MPP7: variants seen among roughly 807,000 people sequenced by gnomAD.
MPP7 encodes MAGUK p55 subfamily member 7.
A neutral mutation model predicts 76.5 loss-of-function variants in MPP7; 60 were observed. That is an observed-to-expected ratio of 0.78 (90% confidence interval 0.64 to 0.97). The LOEUF is 0.97. Among genes scored for constraint, MPP7 ranks in the 50% least tolerant of loss-of-function variants. MPP7 has a pLI of 0.00. For missense variants in MPP7, 641 were observed against 694.0 expected (o/e 0.92, Z 0.86); for synonymous variants, 237 against 244.5 (o/e 0.97, Z 0.29).
intron 3 of MPP7, among the ~76,000 whole-genome samples, chr10:28,192,076 ACT>A (rs1837429836): frequency 6.6e-6 from 1 of 151,784 alleles, no homozygotes; most frequent in African/African-American, 2.4e-5. Flanking sequence ...ACAAAGTAAG[ACT>A]CTGCCTTTAA....
chr10:28,125,024 GCTC>G lies in MPP7; in HGVS notation c.512_514del (p.Gly171del). ...TAAAGTCTCACCACTTCTATCTGCAGCTCCTCCTCTCATGATTCTGGCCACAAT... is the reference window on the plus strand; with the variant it reads ...TAAAGTCTCACCACTTCTATCTGCAGCTCCTCTCATGATTCTGGCCACAAT... On this transcript the variant is annotated inframe_deletion, in exon 7 of 17. Coordinates refer to ENST00000683449, the MANE Select transcript of MPP7 (RefSeq NM_001318170.2). 2 of 1,613,872 alleles carry G rather than the reference GCTC, an allele frequency of 1.2e-6. No homozygotes were observed. The highest frequency in any genetic ancestry group is 2.2e-5 in the South Asian group (2 of 91,088).
intron 13 of MPP7, among the ~76,000 whole-genome samples, chr10:28,067,130 A>T (rs542223469): frequency 6.6e-6 from 1 of 152,340 alleles, no homozygotes; most frequent in South Asian, 2.1e-4. Flanking sequence ...TTAGTTTTCC[A>T]AAATGATTGT....
At chr10:28,269,514 T>C (rs1840253477) in intron 1 of MPP7, among the ~76,000 whole-genome samples, 1 of 150,098 alleles carries the variant, frequency 6.7e-6, no homozygotes, top group Non-Finnish European at 1.5e-5. Context: ...AGTTTGAATA[T>C]TTGTTTTTAT....
chr10:28,132,743 C>A (rs146456899), intron 5 of MPP7, among the ~76,000 whole-genome samples: 1 of 152,098 alleles, frequency 6.6e-6, no homozygotes, highest in South Asian at 2.1e-4. Flanking sequence ...GGATTACAGG[C>A]GCCCGCCACC....
chr10:28,099,707 T>A (rs905575608), intron 11 of MPP7, among the ~76,000 whole-genome samples: 4 of 152,026 alleles, frequency 2.6e-5, no homozygotes, highest in African/African-American at 9.7e-5. Flanking sequence ...CTCGGGAGGC[T>A]GAGGCAGGAG....
chr10:28,238,355 A>T (rs1253487429), intron 2 of MPP7, among the ~76,000 whole-genome samples: 1 of 152,210 alleles, frequency 6.6e-6, no homozygotes, highest in East Asian at 1.9e-4. Flanking sequence ...ATATCTGCAC[A>T]TGCCATCACT....
intron 1 of MPP7, among the ~76,000 whole-genome samples, chr10:28,290,286 CTTT>C (rs57836658): frequency 1.3e-4 from 17 of 131,812 alleles, no homozygotes; most frequent in Middle Eastern, 4.2e-3. Context: ...TTTTACTTTC[CTTT>C]TTTTTTTTTT....
At chr10:28,262,890 T>C (rs1044796018) in intron 1 of MPP7, among the ~76,000 whole-genome samples, 11 of 152,020 alleles carry the variant, frequency 7.2e-5, no homozygotes. Context: ...ACCCCATCGC[T>C]ACTAAAAATA....
At chr10:28,204,724 C>T (rs1837892784) in intron 2 of MPP7, among the ~76,000 whole-genome samples, 1 of 152,184 alleles carries the variant, frequency 6.6e-6, no homozygotes, top group African/African-American at 2.4e-5. Context: ...TTCTATAGAG[C>T]AATTCATATG....
intron 11 of MPP7, chr10:28,119,063 TG>T: frequency 1.0e-6 from 1 of 985,276 alleles, no homozygotes; most frequent in Non-Finnish European, 1.2e-6. Context: ...AAGATTAGGC[TG>T]AAAGAGAAAA....
intron 11 of MPP7, among the ~76,000 whole-genome samples, chr10:28,092,416 T>C (rs1853350134): frequency 6.6e-6 from 1 of 152,124 alleles, no homozygotes; most frequent in South Asian, 2.1e-4. Flanking sequence ...AATACATCCC[T>C]CTGGCCCTAG....
At position 28,120,539 on chromosome 10, in the gene MPP7, G is replaced by A. The variant is rs1390910590; in HGVS notation, c.690+55C>T. On this transcript the variant is annotated intron_variant, in intron 9 of 16. Coordinates refer to ENST00000683449, the MANE Select transcript of MPP7 (RefSeq NM_001318170.2). ...GTGACAAAGTGGATATGTGTTGGATGGAAAAACATGACTTCCCTCCCACGC... is the reference window on the plus strand; with the variant it reads ...GTGACAAAGTGGATATGTGTTGGATAGAAAAACATGACTTCCCTCCCACGC... 7.8e-6 allele frequency: 12 copies of A among 1,548,004 alleles called. No individual in the cohort carries two copies. The East Asian group carries it at 1.6e-4, about 20-fold the overall frequency.
intron 12 of MPP7, among the ~76,000 whole-genome samples, chr10:28,074,647 T>TA (rs1852403950): frequency 6.6e-6 from 1 of 152,194 alleles, no homozygotes; most frequent in South Asian, 2.1e-4. Flanking sequence ...CATCTTCTCT[T>TA]AGAGATTGCT....
chr10:28,150,591 C>G (rs1052972698), intron 3 of MPP7, among the ~76,000 whole-genome samples: 2 of 152,122 alleles, frequency 1.3e-5, no homozygotes. Context: ...GCACACTGTT[C>G]CTTTTATTAT....
chr10:28,186,990 T>G (rs1837259315), intron 3 of MPP7, among the ~76,000 whole-genome samples: 1 of 152,200 alleles, frequency 6.6e-6, no homozygotes, highest in African/African-American at 2.4e-5. Flanking sequence ...TTCTAATGAA[T>G]GAACTGTTCT....
At chr10:28,221,546 A>C (rs1838507156) in intron 2 of MPP7, among the ~76,000 whole-genome samples, 1 of 152,214 alleles carries the variant, frequency 6.6e-6, no homozygotes, top group South Asian at 2.1e-4. Context: ...GAAACAAGTG[A>C]AATCAAATAA....
intron 5 of MPP7, 35 bp downstream of exon 5, chr10:28,147,448 T>A: frequency 6.4e-7 from 1 of 1,553,738 alleles, no homozygotes; most frequent in Middle Eastern, 1.7e-4. Flanking sequence ...TGGCCCTGTT[T>A]GAAGGTATTT....
upstream of MPP7, chr10:28,305,567 A>G (rs1017651300): frequency 2.0e-5 from 3 of 152,302 alleles, no homozygotes; most frequent in African/African-American, 7.2e-5. Flanking sequence ...GGGGAAATCA[A>G]GAGTACTATG....
intron 3 of MPP7, among the ~76,000 whole-genome samples, chr10:28,160,090 T>C (rs1444830133): frequency 6.9e-6 from 1 of 144,316 alleles, no homozygotes; most frequent in African/African-American, 2.6e-5. Flanking sequence ...GGTTTTTTAA[T>C]GACAGGCAAA....
Sources: gnomAD v4.1 joint callset for allele counts (sites outside exome capture counted in the v4.1 genomes callset) on GRCh38, gnomAD v4.1.1 for gene constraint, MANE v1.5 for transcripts, NCBI Gene and HGNC (gene_info 2026-07-23, HGNC 2026-07-21) for gene names.